ABTB3: variants seen among roughly 807,000 people sequenced by gnomAD.
The protein encoded by ABTB3 is ankyrin repeat- and BTB/POZ domain-containing protein 3.
the ABTB3 span, among the ~76,000 whole-genome samples, chr12:107,591,536 C>G: frequency 4.6e-5 from 7 of 152,134 alleles, no homozygotes; most frequent in African/African-American, 1.4e-4. Flanking sequence ...GGGAAGTCCA[C>G]CCCCATGATC....
At chr12:107,482,929 TTTC>T in the ABTB3 span, among the ~76,000 whole-genome samples, 1 of 20,140 alleles carries the variant, frequency 5.0e-5, no homozygotes, top group African/African-American at 2.5e-4. Flanking sequence ...TCTTTCTTTC[TTTC>T]TTTCTTTCTT....
the ABTB3 span, chr12:107,620,029 C>A: frequency 6.2e-7 from 1 of 1,614,078 alleles, no homozygotes; most frequent in African/African-American, 1.3e-5. Context: ...CTTTGCGGAT[C>A]GCCTTCCAGC....
At chr12:107,570,439 T>G in the ABTB3 span, among the ~76,000 whole-genome samples, 1 of 152,156 alleles carries the variant, frequency 6.6e-6, no homozygotes, top group Non-Finnish European at 1.5e-5. Context: ...GGTCTCGAAC[T>G]CCTAACCTCA....
At chr12:107,357,331 G>A in the ABTB3 span, among the ~76,000 whole-genome samples, 1 of 152,164 alleles carries the variant, frequency 6.6e-6, no homozygotes, top group African/African-American at 2.4e-5. Flanking sequence ...TTTCAGAGCT[G>A]GTATTTAAAA....
At chr12:107,632,037 C>T in the ABTB3 span, among the ~76,000 whole-genome samples, 3 of 152,270 alleles carry the variant, frequency 2.0e-5, no homozygotes, top group Admixed American at 2.0e-4. Context: ...GCATGGCCAG[C>T]CCTTATATTT....
chr12:107,548,581 A>G, the ABTB3 span, among the ~76,000 whole-genome samples: 1 of 152,200 alleles, frequency 6.6e-6, no homozygotes, highest in African/African-American at 2.4e-5. Flanking sequence ...TCTGTAGTCT[A>G]AGTTTTTCCA....
the ABTB3 span, among the ~76,000 whole-genome samples, chr12:107,599,396 GAC>G: frequency 6.6e-6 from 1 of 152,204 alleles, no homozygotes; most frequent in Admixed American, 6.5e-5. Flanking sequence ...ACACAGCAAA[GAC>G]ATGTGCTGTG....
At chr12:107,470,845 A>G in the ABTB3 span, among the ~76,000 whole-genome samples, 1 of 152,130 alleles carries the variant, frequency 6.6e-6, no homozygotes, top group Non-Finnish European at 1.5e-5. Context: ...AGCCATCTGG[A>G]AAGCTGGGGC....
the ABTB3 span, among the ~76,000 whole-genome samples, chr12:107,575,412 C>G: frequency 2.5e-4 from 38 of 152,208 alleles, no homozygotes; most frequent in East Asian, 6.2e-3. Context: ...TACATCATCC[C>G]GTTCAATTCT....
chr12:107,570,754 A>C, the ABTB3 span, among the ~76,000 whole-genome samples: 15,774 of 152,034 alleles, frequency 0.1, 1,147 homozygotes, highest in East Asian at 0.25. Flanking sequence ...TGCAGGCCCT[A>C]CCTGTCTGCT....
At chr12:107,507,356 G>C in the ABTB3 span, among the ~76,000 whole-genome samples, 27 of 152,178 alleles carry the variant, frequency 1.8e-4, no homozygotes, top group Non-Finnish European at 4.0e-4. Context: ...TCTGAGTCCA[G>C]GAGATCTGAG....
chr12:107,551,327 A>T, the ABTB3 span, among the ~76,000 whole-genome samples: 1 of 152,186 alleles, frequency 6.6e-6, no homozygotes, highest in African/African-American at 2.4e-5. Flanking sequence ...CATATAAATG[A>T]TTCCTAAGGA....
the ABTB3 span, among the ~76,000 whole-genome samples, chr12:107,611,373 G>C: frequency 6.6e-6 from 1 of 152,162 alleles, no homozygotes; most frequent in Non-Finnish European, 1.5e-5. Context: ...TAGAGACAGG[G>C]TCTTGCTACA....
At chr12:107,449,011 G>C in the ABTB3 span, among the ~76,000 whole-genome samples, 7 of 152,246 alleles carry the variant, frequency 4.6e-5, no homozygotes, top group African/African-American at 7.2e-5. Context: ...CAAGTAAGGG[G>C]CAGGAGGAAG....
chr12:107,362,535 G>A, the ABTB3 span, among the ~76,000 whole-genome samples: 1 of 152,212 alleles, frequency 6.6e-6, no homozygotes, highest in Non-Finnish European at 1.5e-5. Context: ...GCTCACACCT[G>A]TAATCCCAGC....
the ABTB3 span, among the ~76,000 whole-genome samples, chr12:107,410,245 A>G: frequency 6.6e-6 from 1 of 151,054 alleles, no homozygotes; most frequent in Middle Eastern, 3.5e-3. Context: ...AAAAAAAAAA[A>G]GTCAGCTACG....
the ABTB3 span, among the ~76,000 whole-genome samples, chr12:107,498,770 A>T: frequency 6.6e-6 from 1 of 152,118 alleles, no homozygotes; most frequent in Non-Finnish European, 1.5e-5. Flanking sequence ...TAGCAGTCTT[A>T]ATTCCACCCA....
the ABTB3 span, among the ~76,000 whole-genome samples, chr12:107,479,676 T>C: frequency 9.5e-3 from 1,447 of 152,132 alleles, 34 homozygotes; most frequent in African/African-American, 0.033. Flanking sequence ...TATCCTAATG[T>C]CTCCCCAGAG....
the ABTB3 span, among the ~76,000 whole-genome samples, chr12:107,547,067 G>T: frequency 1.3e-5 from 2 of 151,996 alleles, no homozygotes; most frequent in African/African-American, 4.8e-5. Flanking sequence ...GGTGGTGCTT[G>T]CCTGTAGTCC....
Sources: gnomAD v4.1 joint callset for allele counts (sites outside exome capture counted in the v4.1 genomes callset) on GRCh38, gnomAD v4.1.1 for gene constraint, MANE v1.5 for transcripts, NCBI Gene and HGNC (gene_info 2026-07-23, HGNC 2026-07-21) for gene names.